CSNK2A1: variants seen among roughly 807,000 people sequenced by gnomAD.
CSNK2A1 encodes casein kinase 2 alpha 1.
A neutral mutation model predicts 62.9 loss-of-function variants in CSNK2A1; 10 were observed. The ratio of observed to expected loss-of-function variants is 0.16; its 90% CI spans 0.10 to 0.27. CSNK2A1 has a LOEUF of 0.27. Among genes scored for constraint, CSNK2A1 ranks in the 10% least tolerant of loss-of-function variants. The probability of loss-of-function intolerance (pLI) is 1.00; values close to 1 mark genes in which losing one functional copy is unlikely to be tolerated. For missense variants in CSNK2A1, 160 were observed against 492.0 expected, an observed-to-expected ratio of 0.33 and a Z score of 6.38; for synonymous variants, 124 against 167.8, an observed-to-expected ratio of 0.74 and a Z score of 2.02.
chr20:537,513 T>C (rs1045654040), intron 1 of CSNK2A1, among the ~76,000 whole-genome samples: 1 of 151,886 alleles, frequency 6.6e-6, no homozygotes, highest in Non-Finnish European at 1.5e-5. Flanking sequence ...AAAAAGTACA[T>C]CTGGGAGCAC....
rs1568484778 is a variant in CSNK2A1 at position 476,276 on chromosome 20, T to C, written c.*7685A>G. The C allele has an allele frequency of 6.6e-6, 1 of 152,498 alleles. No homozygotes were observed. The highest frequency in any genetic ancestry group is 1.5e-5 in the Non-Finnish European group (1 of 68,282). The allele number at this position is 152,498 out of a possible 1,614,324, so 9.4% of individuals were successfully genotyped here. A position where few individuals can be genotyped will look rare whatever the true frequency, so the allele number is the denominator to read the frequency against. Reference sequence around the variant, plus strand: ...CCTAGTGAGTTTTTCTTTTTTACTTTTAGATGGAGTCTGGCTCTGTCACCC... The same window carrying C: ...CCTAGTGAGTTTTTCTTTTTTACTTCTAGATGGAGTCTGGCTCTGTCACCC... On this transcript the variant is annotated 3_prime_UTR_variant, in exon 14 of 14. Coordinates refer to ENST00000217244, the MANE Select transcript of CSNK2A1 (RefSeq NM_177559.3).
In CSNK2A1 at chr20:483,814, T is replaced by TA; in HGVS notation, c.*146dup. The TA allele has an allele frequency of 7.8e-6, 4 of 511,536 alleles. No individual in the cohort carries two copies. Among genetic ancestry groups the TA allele is most frequent in the East Asian group, 3.6e-5 (1 of 28,136 alleles). 31.7% of individuals were successfully genotyped at this position (511,536 alleles called of 1,614,324 possible). ...AATCAGCCTATTATAATTTTTTTTT[T>TA]ATGACTGAACTACTATAAATCCACA... is the stretch of plus-strand genomic sequence containing the variant. On this transcript the variant is annotated 3_prime_UTR_variant, in exon 14 of 14. Transcript: ENST00000217244.
chr20:483,960 G>T lies in CSNK2A1; in HGVS notation c.*1C>A, dbSNP rs142680688. The T allele has an allele frequency of 6.2e-7, 1 of 1,610,994 alleles. No homozygotes were observed. The highest frequency in any genetic ancestry group is 8.5e-7 in the Non-Finnish European group (1 of 1,178,740). On this transcript the variant is annotated 3_prime_UTR_variant, in exon 14 of 14. Coordinates refer to ENST00000217244, the MANE Select transcript of CSNK2A1 (RefSeq NM_177559.3). ...CAGGCATCAGGAGACAGATAGGGCC[G>T]TTACTGCTGAGCGCCAGCGGCAGCT...
chr20:503,572 G>A, intron 4 of CSNK2A1: 1 of 398,620 alleles, frequency 2.5e-6, no homozygotes, highest in Non-Finnish European at 4.4e-6. Flanking sequence ...GCCAGCTTGA[G>A]GTGGTTCGTA....
At chr20:506,447 C>A (rs2018604414) in intron 3 of CSNK2A1, 1 of 152,080 alleles carries the variant, frequency 6.6e-6, no homozygotes, top group Non-Finnish European at 1.5e-5. Context: ...CTACATATAC[C>A]CATATTCTGT....
chr20:502,817 A>G (rs1396146450), intron 4 of CSNK2A1: 1 of 152,230 alleles, frequency 6.6e-6, no homozygotes, highest in Non-Finnish European at 1.5e-5. Context: ...GTATGGTCAC[A>G]TAACATCTTT....
Position 492,382 on chromosome 20 carries a change from A to G in CSNK2A1, c.511-18T>C. 1 of 1,611,902 alleles carries G rather than the reference A, an allele frequency of 6.2e-7. No individual in the cohort carries two copies. The highest frequency in any genetic ancestry group is 8.5e-7 in the Non-Finnish European group (1 of 1,178,166). ...AGTCGTAGCTGAAAAAGAATAAACC[A>G]TGAGCAATCTTATCTTTCTCTAAGC... On this transcript the variant is annotated intron_variant, in intron 8 of 13. Transcript: ENST00000217244.
At chr20:502,553 A>G (rs578120185) in intron 4 of CSNK2A1, 111 of 152,348 alleles carry the variant, frequency 7.3e-4, no homozygotes, top group African/African-American at 2.6e-3. Flanking sequence ...GAGATTAAAA[A>G]TTTTAAATAT....
chr20:528,568 A>G (rs1332188394), intron 1 of CSNK2A1, among the ~76,000 whole-genome samples: 1 of 151,816 alleles, frequency 6.6e-6, no homozygotes, highest in African/African-American at 2.4e-5. Flanking sequence ...GGCATACACT[A>G]CTGTCCCCTG....
intron 2 of CSNK2A1, among the ~76,000 whole-genome samples, chr20:510,583 T>A (rs866978974): frequency 4.0e-4 from 61 of 152,316 alleles, no homozygotes; most frequent in African/African-American, 1.4e-3. Context: ...TGCCCACACG[T>A]TTACATGTGT....
intron 1 of CSNK2A1, among the ~76,000 whole-genome samples, chr20:532,221 G>C (rs961053019): frequency 6.6e-6 from 1 of 151,496 alleles, no homozygotes; most frequent in Non-Finnish European, 1.5e-5. Flanking sequence ...CTGGAGTGCA[G>C]TGGCACGCTC....
At chr20:513,222 G>A (rs998790305) in intron 2 of CSNK2A1, among the ~76,000 whole-genome samples, 2 of 152,172 alleles carry the variant, frequency 1.3e-5, no homozygotes, top group African/African-American at 2.4e-5. Context: ...CATTTTATAC[G>A]TGTAAGACAG....
chr20:485,112 ATAT>A lies in CSNK2A1; in HGVS notation c.1061-1039_1061-1037del, dbSNP rs1421909638. 1.6e-3 allele frequency among the ~76,000 whole-genome samples: 64 copies of A among 40,422 alleles called. 1 individual carries two copies. The highest frequency in any genetic ancestry group is 1.4e-3 in the Non-Finnish European group (32 of 22,436). 26.5% of individuals were successfully genotyped at this position (40,422 alleles called of 152,430 possible). On this transcript the variant is annotated intron_variant, in intron 13 of 13. Transcript: ENST00000217244. ...AAAAAAAAAAAAAAAAAAAAAAAATATATATATATATATATATATATATATGAG... is the reference window on the plus strand; with the variant it reads ...AAAAAAAAAAAAAAAAAAAAAAAATAATATATATATATATATATATATGAG...
At chr20:518,703 C>A (rs1045815654) in intron 2 of CSNK2A1, among the ~76,000 whole-genome samples, 15 of 131,494 alleles carry the variant, frequency 1.1e-4, no homozygotes, top group African/African-American at 4.0e-4. Flanking sequence ...TCCGCCACCA[C>A]GCCCGGCTAA....
intron 1 of CSNK2A1, among the ~76,000 whole-genome samples, chr20:536,096 T>C (rs963311205): frequency 3.3e-5 from 5 of 152,122 alleles, no homozygotes; most frequent in African/African-American, 1.2e-4. Context: ...GACTAGGTAA[T>C]AGACACTGTA....
intron 2 of CSNK2A1, among the ~76,000 whole-genome samples, chr20:523,970 A>G (rs1281264842): frequency 2.6e-5 from 4 of 151,784 alleles, no homozygotes; most frequent in Non-Finnish European, 5.9e-5. Flanking sequence ...AGAAGGTGAT[A>G]TAACTATTCT....
intron 1 of CSNK2A1, among the ~76,000 whole-genome samples, chr20:536,683 T>A (rs2019335794): frequency 6.6e-6 from 1 of 152,212 alleles, no homozygotes; most frequent in Non-Finnish European, 1.5e-5. Flanking sequence ...TGCAGCTGTT[T>A]CAAAAACTAC....
At chr20:490,264 T>C (rs1161870333) in intron 9 of CSNK2A1, among the ~76,000 whole-genome samples, 3 of 148,850 alleles carry the variant, frequency 2.0e-5, no homozygotes, top group Non-Finnish European at 3.0e-5. Flanking sequence ...CCTGACCTCA[T>C]GATCTGCTCG....
chr20:486,601 A>AT (rs1250876027), intron 12 of CSNK2A1, 139 bp from the exon 13 acceptor site: 8 of 813,490 alleles, frequency 9.8e-6, no homozygotes, highest in Non-Finnish European at 1.5e-5. Context: ...TAAGGTGGCA[A>AT]TTGCCTTCAC....
Sources: gnomAD v4.1 joint callset for allele counts (sites outside exome capture counted in the v4.1 genomes callset) on GRCh38, gnomAD v4.1.1 for gene constraint, MANE v1.5 for transcripts, NCBI Gene and HGNC (gene_info 2026-07-23, HGNC 2026-07-21) for gene names.